Variants in MGAT4C observed in about 807,000 individuals in gnomAD.
The protein encoded by MGAT4C is alpha-1,3-mannosyl-glycoprotein 4-beta-N-acetylglucosaminyltransferase C.
A neutral mutation model predicts 40.1 loss-of-function variants in MGAT4C; 19 were observed. The observed-to-expected ratio is 0.47, with a 90% CI of 0.33 to 0.70. MGAT4C has a LOEUF of 0.70. MGAT4C is among the 30% of genes least tolerant of loss of function. The probability of loss-of-function intolerance (pLI) is 0.02; values close to 1 mark genes in which losing one functional copy is unlikely to be tolerated. For missense variants in MGAT4C, 491 were observed against 563.2 expected (o/e 0.87, Z 1.30); for synonymous variants, 181 against 187.1 (o/e 0.97, Z 0.27).
intron 4 of MGAT4C, among the ~76,000 whole-genome samples, chr12:86,301,542 AC>A (rs2136139902): frequency 6.6e-6 from 1 of 152,286 alleles, no homozygotes; most frequent in Non-Finnish European, 1.5e-5. Flanking sequence ...TGTTCTTCTC[AC>A]CAAATCAATG....
intron 1 of MGAT4C, among the ~76,000 whole-genome samples, chr12:86,743,465 T>C (rs1280037545): frequency 6.6e-6 from 1 of 151,572 alleles, no homozygotes; most frequent in African/African-American, 2.4e-5. Context: ...TTACACTTGA[T>C]GTAAATGTTT....
intron 3 of MGAT4C, among the ~76,000 whole-genome samples, chr12:86,341,026 A>C (rs535038906): frequency 1.4e-4 from 22 of 152,354 alleles, no homozygotes; most frequent in African/African-American, 5.3e-4. Context: ...ATAAGCAGCT[A>C]GTGCTTGTGG....
At chr12:86,387,914 C>T (rs769093541) in intron 3 of MGAT4C, among the ~76,000 whole-genome samples, 1 of 152,044 alleles carries the variant, frequency 6.6e-6, no homozygotes, top group Non-Finnish European at 1.5e-5. Context: ...TGACAAAATA[C>T]TCTATTGTTT....
At chr12:86,452,767 A>G (rs1266061426) in intron 2 of MGAT4C, among the ~76,000 whole-genome samples, 1 of 152,124 alleles carries the variant, frequency 6.6e-6, no homozygotes, top group African/African-American at 2.4e-5. Context: ...ACTGCTTAGT[A>G]ACTTTGACTC....
At chr12:86,688,483 C>A (rs1950114974) in intron 2 of MGAT4C, among the ~76,000 whole-genome samples, 1 of 152,022 alleles carries the variant, frequency 6.6e-6, no homozygotes, top group Admixed American at 6.6e-5. Context: ...GTGGCTGGTA[C>A]CAGTTTTTCC....
chr12:86,559,111 A>T (rs1959749106), intron 2 of MGAT4C, among the ~76,000 whole-genome samples: 1 of 151,946 alleles, frequency 6.6e-6, no homozygotes, highest in African/African-American at 2.4e-5. Context: ...TTATCATATA[A>T]TAATAATGGA....
At chr12:86,654,429 G>A (rs1963784454) in intron 2 of MGAT4C, among the ~76,000 whole-genome samples, 1 of 151,586 alleles carries the variant, frequency 6.6e-6, no homozygotes, top group Admixed American at 6.6e-5. Flanking sequence ...TTAATATAGG[G>A]AAACATGCAC....
At chr12:86,443,882 C>T (rs1408088788) in intron 2 of MGAT4C, among the ~76,000 whole-genome samples, 2 of 152,164 alleles carry the variant, frequency 1.3e-5, no homozygotes, top group South Asian at 2.1e-4. Flanking sequence ...GCACATGCCA[C>T]CATGCCCGGC....
At chr12:86,394,957 A>G (rs1592786125) in intron 3 of MGAT4C, among the ~76,000 whole-genome samples, 1 of 152,042 alleles carries the variant, frequency 6.6e-6, no homozygotes, top group East Asian at 1.9e-4. Context: ...AACTTGTATC[A>G]CTATTTAAAT....
chr12:86,712,413 C>T (rs987122558), intron 2 of MGAT4C, among the ~76,000 whole-genome samples: 1 of 151,998 alleles, frequency 6.6e-6, no homozygotes, highest in Non-Finnish European at 1.5e-5. Flanking sequence ...AGAAAAACTT[C>T]AGACAGTTTG....
chr12:86,679,348 T>A (rs1014433520), intron 2 of MGAT4C, among the ~76,000 whole-genome samples: 7 of 152,272 alleles, frequency 4.6e-5, no homozygotes, highest in African/African-American at 1.7e-4. Flanking sequence ...CAAGATCTTC[T>A]TTAAGATACA....
intron 2 of MGAT4C, among the ~76,000 whole-genome samples, chr12:86,622,153 A>G (rs1962659014): frequency 6.6e-6 from 1 of 152,134 alleles, no homozygotes; most frequent in South Asian, 2.1e-4. Context: ...GTTTATTGTG[A>G]CGTAATTTTA....
intron 3 of MGAT4C, among the ~76,000 whole-genome samples, chr12:86,408,222 G>A (rs1279883170): frequency 6.6e-6 from 1 of 151,748 alleles, no homozygotes; most frequent in East Asian, 1.9e-4. Flanking sequence ...TTTGTAGTAT[G>A]CTTCATTTTG....
chr12:86,387,361 A>G (rs147769890), intron 3 of MGAT4C, among the ~76,000 whole-genome samples: 4 of 152,216 alleles, frequency 2.6e-5, no homozygotes, highest in African/African-American at 9.6e-5. Flanking sequence ...ATATAAATAT[A>G]TACATATATG....
chr12:86,717,430 G>T (rs1214838319), intron 2 of MGAT4C, among the ~76,000 whole-genome samples: 4 of 152,020 alleles, frequency 2.6e-5, no homozygotes, highest in Non-Finnish European at 5.9e-5. Context: ...TAACAGTTCT[G>T]ATATTATTTC....
chr12:86,831,001 C>T (rs1208448543), intron 1 of MGAT4C, among the ~76,000 whole-genome samples: 1 of 151,780 alleles, frequency 6.6e-6, no homozygotes, highest in African/African-American at 2.4e-5. Flanking sequence ...CAAAGGAGAA[C>T]ATATAATAAC....
chr12:86,071,665 A>C (rs911125168), intron 1 of MGAT4C, among the ~76,000 whole-genome samples: 2 of 152,124 alleles, frequency 1.3e-5, no homozygotes, highest in Admixed American at 1.3e-4. Context: ...TATGCGTCAT[A>C]GCTTTACATA....
intron 2 of MGAT4C, among the ~76,000 whole-genome samples, chr12:86,474,913 T>C (rs1957810315): frequency 6.6e-6 from 1 of 152,090 alleles, no homozygotes; most frequent in Non-Finnish European, 1.5e-5. Flanking sequence ...AATTGAAATA[T>C]ATGCACAAAA....
At chr12:86,666,057 A>G (rs2136556328) in intron 2 of MGAT4C, among the ~76,000 whole-genome samples, 1 of 152,334 alleles carries the variant, frequency 6.6e-6, no homozygotes, top group South Asian at 2.1e-4. Flanking sequence ...TGGCCAATGA[A>G]ACTGGAAAAG....
Sources: gnomAD v4.1 joint callset for allele counts (sites outside exome capture counted in the v4.1 genomes callset) on GRCh38, gnomAD v4.1.1 for gene constraint, MANE v1.5 for transcripts, NCBI Gene and HGNC (gene_info 2026-07-23, HGNC 2026-07-21) for gene names.